AFG2B: variants seen among roughly 807,000 people sequenced by gnomAD.
AFG2B encodes AAA ATPase AFG2B, also known as ATPase family gene 2 protein homolog B.
chr15:45,410,667 C>A, the AFG2B span: 1 of 809,116 alleles, frequency 1.2e-6, no homozygotes, highest in Non-Finnish European at 1.8e-6. Context: ...CCAATGATTG[C>A]TTTTCAGTCC....
At chr15:45,403,904 AAAG>A in the AFG2B span, among the ~76,000 whole-genome samples, 4 of 152,204 alleles carry the variant, frequency 2.6e-5, no homozygotes, top group Non-Finnish European at 4.4e-5. Flanking sequence ...ATGAGAATTT[AAAG>A]AAGGATAGCC....
chr15:45,415,950 T>A, the AFG2B span: 2 of 541,886 alleles, frequency 3.7e-6, no homozygotes, highest in Non-Finnish European at 6.0e-6. Flanking sequence ...CTTTTAGAGC[T>A]AATAAAAATT....
the AFG2B span, chr15:45,403,232 C>T: frequency 3.9e-6 from 6 of 1,526,882 alleles, no homozygotes; most frequent in South Asian, 1.2e-5. Flanking sequence ...GTCAGCGCCC[C>T]GGCGCTGCAG....
chr15:45,417,312 A>C, the AFG2B span: 1 of 1,614,000 alleles, frequency 6.2e-7, no homozygotes, highest in African/African-American at 1.3e-5. Flanking sequence ...TTATTGCAGC[A>C]ACAAATAGAC....
chr15:45,409,205 G>A, the AFG2B span, among the ~76,000 whole-genome samples: 2 of 151,118 alleles, frequency 1.3e-5, no homozygotes, highest in Non-Finnish European at 3.0e-5. Context: ...GGGAAACCCC[G>A]TCTCTGCTAA....
At chr15:45,419,997 C>CAAAAAAAAAAAAA in the AFG2B span, among the ~76,000 whole-genome samples, 1 of 53,708 alleles carries the variant, frequency 1.9e-5, no homozygotes, top group Non-Finnish European at 3.4e-5. Context: ...CCCCCCCCCC[C>CAAAAAAAAAAAAA]AAAAAAAAAA....
the AFG2B span, among the ~76,000 whole-genome samples, chr15:45,412,715 C>T: frequency 6.6e-6 from 1 of 151,916 alleles, no homozygotes; most frequent in South Asian, 2.1e-4. Context: ...TTGCCTGGAT[C>T]TCTGATCTAA....
At chr15:45,405,438 A>G in the AFG2B span, 152 of 1,614,080 alleles carry the variant, frequency 9.4e-5, 4 homozygotes, top group Middle Eastern at 1.3e-3. Context: ...ACAGTTGGCT[A>G]TGTTGGTGCC....
chr15:45,407,256 C>A, the AFG2B span: 1 of 1,175,982 alleles, frequency 8.5e-7, no homozygotes, highest in Non-Finnish European at 1.1e-6. Context: ...TTTCCCCCAC[C>A]AGCTGAGGGG....
chr15:45,403,174 C>T, the AFG2B span: 16 of 1,462,182 alleles, frequency 1.1e-5, no homozygotes, highest in Admixed American at 2.7e-5. Flanking sequence ...GGGCAAGACC[C>T]AGCTGGTGCG....
the AFG2B span, chr15:45,403,320 C>T: frequency 1.3e-6 from 2 of 1,599,712 alleles, no homozygotes; most frequent in East Asian, 4.6e-5. Context: ...GCCGCGGACC[C>T]AGCCTCCTCT....
the AFG2B span, among the ~76,000 whole-genome samples, chr15:45,418,343 C>CAAAAAAAA: frequency 1.9e-5 from 1 of 52,560 alleles, no homozygotes; most frequent in Non-Finnish European, 4.3e-5. Flanking sequence ...GACTCCATCT[C>CAAAAAAAA]AAAAAAAAAA....
At chr15:45,411,451 G>A in the AFG2B span, among the ~76,000 whole-genome samples, 1 of 152,098 alleles carries the variant, frequency 6.6e-6, no homozygotes, top group Admixed American at 6.6e-5. Flanking sequence ...CCAAGTAGCT[G>A]GGACTACAGG....
the AFG2B span, chr15:45,407,055 CACTT>C: frequency 8.5e-6 from 11 of 1,289,198 alleles, no homozygotes; most frequent in African/African-American, 1.5e-5. Flanking sequence ...AAGCACCTCT[CACTT>C]AGGTGGACCA....
the AFG2B span, among the ~76,000 whole-genome samples, chr15:45,409,697 CA>C: frequency 5.4e-5 from 8 of 149,390 alleles, no homozygotes; most frequent in African/African-American, 1.7e-4. Context: ...CGCATCTCTA[CA>C]AAAAAAAAAT....
the AFG2B span, among the ~76,000 whole-genome samples, chr15:45,416,627 T>G: frequency 2.0e-5 from 3 of 152,200 alleles, no homozygotes; most frequent in Non-Finnish European, 4.4e-5. Context: ...ATCTGACAGG[T>G]ATTCACCCAG....
the AFG2B span, chr15:45,417,145 A>T: frequency 8.4e-7 from 1 of 1,189,690 alleles, no homozygotes; most frequent in Non-Finnish European, 1.2e-6. Flanking sequence ...AAGCGGATAT[A>T]AGCATTCTGG....
At chr15:45,416,828 A>G in the AFG2B span, 1 of 153,164 alleles carries the variant, frequency 6.5e-6, no homozygotes, top group South Asian at 2.0e-4. Context: ...TCAAAGAAAA[A>G]TAAAAGGTCG....
At chr15:45,404,736 G>A in the AFG2B span, among the ~76,000 whole-genome samples, 2 of 151,362 alleles carry the variant, frequency 1.3e-5, no homozygotes, top group South Asian at 2.1e-4. Context: ...TGAACCAGGA[G>A]GTGGAGGTTG....
Sources: allele counts gnomAD v4.1 joint callset (sites outside exome capture counted in the v4.1 genomes callset), GRCh38; gene constraint gnomAD v4.1.1; transcripts MANE v1.5; gene names NCBI Gene and HGNC (gene_info 2026-07-23, HGNC 2026-07-21).